Variants in MAP4K4 observed in about 807,000 individuals in gnomAD.
The protein encoded by MAP4K4 is mitogen-activated protein kinase kinase kinase kinase 4.
MAP4K4 carries 38 observed loss-of-function variants against 189.6 expected under a neutral mutation model. That is an observed-to-expected ratio of 0.20 (90% CI 0.15 to 0.26). MAP4K4 has a LOEUF of 0.26. Among genes scored for constraint, MAP4K4 ranks in the 10% least tolerant of loss-of-function variants. The probability of loss-of-function intolerance (pLI) is 1.00; values close to 1 mark genes in which losing one functional copy is unlikely to be tolerated. For missense variants in MAP4K4, 1,054 were observed against 1,726.9 expected (o/e 0.61, Z 6.91); for synonymous variants, 610 against 624.3 (o/e 0.98, Z 0.34).
At chr2:101,856,204 T>C in intron 13 of MAP4K4, 66 bp downstream of exon 13, 4 of 1,489,296 alleles carry the variant, frequency 2.7e-6, no homozygotes, top group Non-Finnish European at 3.6e-6. Context: ...AGCTGGGGGA[T>C]TTTTAGAAAG....
At chr2:101,801,890 A>G (rs901509806) in intron 3 of MAP4K4, among the ~76,000 whole-genome samples, 5 of 151,572 alleles carry the variant, frequency 3.3e-5, no homozygotes, top group Admixed American at 3.3e-4. Flanking sequence ...GTTGGTGGCA[A>G]CTCCACCCTC....
chr2:101,732,808 C>T (rs1394304892), intron 2 of MAP4K4, among the ~76,000 whole-genome samples: 2 of 152,208 alleles, frequency 1.3e-5, no homozygotes, highest in Admixed American at 6.5e-5. Context: ...AGGATGGTCT[C>T]GATCTCTTGA....
At chr2:101,766,713 T>C (rs2078785343) in intron 2 of MAP4K4, among the ~76,000 whole-genome samples, 1 of 152,164 alleles carries the variant, frequency 6.6e-6, no homozygotes, top group African/African-American at 2.4e-5. Flanking sequence ...CTCATTTCCC[T>C]TTATGTTTCC....
exon 33 of MAP4K4, chr2:101,891,341 A>C: frequency 9.5e-7 from 1 of 1,055,188 alleles, no homozygotes; most frequent in African/African-American, 1.6e-5. Context: ...AGCTGCACCG[A>C]GGGCAACCAG....
chr2:101,773,589 G>T (rs977602364), intron 2 of MAP4K4, among the ~76,000 whole-genome samples: 6 of 152,164 alleles, frequency 3.9e-5, no homozygotes, highest in Admixed American at 3.3e-4. Context: ...CTTTGTGTTA[G>T]AAACAATCCA....
intron 27 of MAP4K4, 83 bp downstream of exon 27, chr2:101,877,229 A>G (rs542848266): frequency 1.0e-5 from 14 of 1,371,112 alleles, no homozygotes; most frequent in Middle Eastern, 2.0e-4. Context: ...CAGTTAGCTC[A>G]TTCACTGATG....
chr2:101,812,764 G>C (rs1178998370), intron 3 of MAP4K4, among the ~76,000 whole-genome samples: 4 of 152,170 alleles, frequency 2.6e-5, no homozygotes, highest in African/African-American at 4.8e-5. Flanking sequence ...AAGTAAAAGA[G>C]GTTAAGTGCG....
chr2:101,754,289 A>T (rs1558743933), intron 2 of MAP4K4, among the ~76,000 whole-genome samples: 2 of 150,200 alleles, frequency 1.3e-5, no homozygotes, highest in African/African-American at 2.4e-5. Context: ...GGATTATGAC[A>T]TCATTCTATT....
chr2:101,809,770 C>G (rs543722112), intron 3 of MAP4K4, among the ~76,000 whole-genome samples: 1 of 152,362 alleles, frequency 6.6e-6, no homozygotes, highest in African/African-American at 2.4e-5. Flanking sequence ...CTTAGCCTCT[C>G]TCAAAGCTGG....
intron 2 of MAP4K4, among the ~76,000 whole-genome samples, chr2:101,730,598 C>T (rs1457815695): frequency 2.6e-5 from 4 of 152,144 alleles, no homozygotes; most frequent in African/African-American, 9.7e-5. Context: ...TGCCCAGCAG[C>T]ACTGGACAGG....
chr2:101,753,662 A>G (rs1236259016), intron 2 of MAP4K4, among the ~76,000 whole-genome samples: 7 of 149,692 alleles, frequency 4.7e-5, no homozygotes, highest in Admixed American at 4.0e-4. Context: ...GCAAGTATAC[A>G]GTTTTTTTTT....
In MAP4K4 at chr2:101,834,553, A is replaced by G. The variant is rs989509213; in HGVS notation, c.694+90A>G. ...CAAAAAGAACAGCTCAGCTCCATGGATAAAGGCATTTCTGGTGGACTGTTT... is the reference window on the plus strand; with the variant it reads ...CAAAAAGAACAGCTCAGCTCCATGGGTAAAGGCATTTCTGGTGGACTGTTT... On this transcript the variant is annotated intron_variant, in intron 8 of 32. Transcript: ENST00000324219. The G allele has an allele frequency of 1.1e-5, 11 of 976,676 alleles. No homozygotes were observed. In the East Asian group the frequency reaches 2.3e-4, roughly 21 times the overall value. 60.5% of individuals were successfully genotyped at this position (976,676 alleles called of 1,614,324 possible).
intron 2 of MAP4K4, among the ~76,000 whole-genome samples, chr2:101,702,907 T>G (rs2039827657): frequency 6.6e-6 from 1 of 152,130 alleles, no homozygotes; most frequent in Non-Finnish European, 1.5e-5. Context: ...GTTAGACCCC[T>G]CATTTATTGA....
chr2:101,706,376 T>C (rs1415802533), intron 2 of MAP4K4, among the ~76,000 whole-genome samples: 1 of 152,218 alleles, frequency 6.6e-6, no homozygotes. Context: ...GTGATAGTTG[T>C]TTCTTTTATC....
intron 2 of MAP4K4, among the ~76,000 whole-genome samples, chr2:101,740,151 C>T (rs75219647): frequency 1.3e-4 from 11 of 87,186 alleles, no homozygotes; most frequent in South Asian, 3.6e-4. Flanking sequence ...TTTATATCAT[C>T]TTTTTTTTTT....
chr2:101,884,657 A>G (rs2098456051), intron 28 of MAP4K4, among the ~76,000 whole-genome samples: 1 of 152,202 alleles, frequency 6.6e-6, no homozygotes, highest in Non-Finnish European at 1.5e-5. Context: ...CAGTTTTACT[A>G]CTTCTGTAGA....
intron 9 of MAP4K4, among the ~76,000 whole-genome samples, chr2:101,839,064 CA>C (rs2096845251): frequency 6.6e-6 from 1 of 152,146 alleles, no homozygotes; most frequent in South Asian, 2.1e-4. Context: ...ACACATAGGA[CA>C]GAGTGTTGCC....
intron 6 of MAP4K4, among the ~76,000 whole-genome samples, chr2:101,830,255 C>T (rs1576394353): frequency 6.6e-6 from 1 of 152,228 alleles, no homozygotes; most frequent in East Asian, 1.9e-4. Flanking sequence ...GGGAATGCAG[C>T]AAATAGTGTA....
chr2:101,855,824 GA>G (rs1338019929), intron 12 of MAP4K4, among the ~76,000 whole-genome samples, 152 bp from the exon 13 acceptor site: 4 of 152,158 alleles, frequency 2.6e-5, no homozygotes, highest in Non-Finnish European at 5.9e-5. Flanking sequence ...TTATGGGTCC[GA>G]GGGGCAGTGT....
Sources: gnomAD v4.1 joint callset for allele counts (sites outside exome capture counted in the v4.1 genomes callset) on GRCh38, gnomAD v4.1.1 for gene constraint, MANE v1.5 for transcripts, NCBI Gene and HGNC (gene_info 2026-07-23, HGNC 2026-07-21) for gene names.